Variants in GMDS observed in about 807,000 individuals in gnomAD.
The protein encoded by GMDS is GDP-mannose 4,6 dehydratase.
In GMDS, 20 loss-of-function variants were observed where a neutral mutation model predicts 49.9. The ratio of observed to expected loss-of-function variants is 0.40; its 90% CI spans 0.28 to 0.58. The LOEUF is 0.58. GMDS is among the 20% of genes least tolerant of loss of function. The pLI is 0.42. For missense variants in GMDS, 362 were observed against 481.4 expected (o/e 0.75, Z 2.32); for synonymous variants, 177 against 178.6 (o/e 0.99, Z 0.07).
intron 4 of GMDS, among the ~76,000 whole-genome samples, chr6:2,059,044 C>T (rs200433472): frequency 5.3e-5 from 8 of 151,516 alleles, no homozygotes; most frequent in South Asian, 2.1e-4. Context: ...GGTGTGGTGG[C>T]GGGTGCCTGT....
At position 1,853,315 on chromosome 6, in the gene GMDS, G is replaced by C. The variant is rs181504528; in HGVS notation, c.771+76788C>G. ...GGGCGGATCACGAGGTCAGGAGATCGAGACCATCCTGGCTAAAACGGTGAA... is the reference window on the plus strand; with the variant it reads ...GGGCGGATCACGAGGTCAGGAGATCCAGACCATCCTGGCTAAAACGGTGAA... On this transcript the variant is annotated intron_variant, in intron 7 of 10. Transcript: ENST00000380815. Among the ~76,000 whole-genome samples the C allele has an allele frequency of 7.2e-3, 1,098 of 151,462 alleles. 7 individuals carry two copies. The highest frequency in any genetic ancestry group is 0.01 in the Non-Finnish European group (709 of 67,868).
intron 9 of GMDS, among the ~76,000 whole-genome samples, chr6:1,690,935 G>GGATGCCAC (rs1377146711): frequency 6.6e-6 from 1 of 152,196 alleles, no homozygotes; most frequent in Non-Finnish European, 1.5e-5. Context: ...TTCAACCATT[G>GGATGCCAC]TGGATGACAG....
chr6:1,823,826 GT>G (rs3839597), intron 7 of GMDS, among the ~76,000 whole-genome samples: 21,981 of 151,880 alleles, frequency 0.14, 1,846 homozygotes, highest in South Asian at 0.24. Flanking sequence ...TGCATTTTTT[GT>G]TGTTGTTGAG....
intron 7 of GMDS, among the ~76,000 whole-genome samples, chr6:1,844,417 C>A (rs2113753022): frequency 6.6e-6 from 1 of 152,304 alleles, no homozygotes; most frequent in East Asian, 1.9e-4. Context: ...AAACCTACCT[C>A]AAACAGTTTT....
At chr6:1,733,851 T>C (rs1296798392) in intron 8 of GMDS, among the ~76,000 whole-genome samples, 5 of 5,604 alleles carry the variant, frequency 8.9e-4, no homozygotes, top group Non-Finnish European at 2.8e-4. Context: ...GACTCTTGTC[T>C]TAAAAAAAAA....
At chr6:2,127,052 C>T (rs1471662516) in intron 1 of GMDS, among the ~76,000 whole-genome samples, 2 of 152,048 alleles carry the variant, frequency 1.3e-5, no homozygotes, top group Admixed American at 6.6e-5. Flanking sequence ...CAATTCTTAC[C>T]GTTTTTACAT....
chr6:1,742,427 T>C (rs1489661007), intron 8 of GMDS, 41 bp downstream of exon 8: 3 of 1,145,464 alleles, frequency 2.6e-6, no homozygotes, highest in Non-Finnish European at 2.6e-6. Flanking sequence ...GGTGCATACC[T>C]GCCAGAGAGC....
At position 2,176,504 on chromosome 6, in the gene GMDS, G is replaced by A. The variant is rs115389158; in HGVS notation, c.103-51773C>T. On this transcript the variant is annotated intron_variant, in intron 1 of 10. Transcript: ENST00000380815. ...TCTGGTAAACCAACTTAACTTGGAG[G>A]AAATTCGGGGTTGGGTGGGAATAAA... 5.5e-3 allele frequency among the ~76,000 whole-genome samples: 836 copies of A among 152,274 alleles called. 2 individuals are homozygous for A. The highest frequency in any genetic ancestry group is 0.017 in the Middle Eastern group (5 of 294).
rs935517541 is a variant in GMDS, at chr6:1,640,407, T to C, written c.988-15867A>G. ...CACACCTGCAGGTGTGTTATGCACC[T>C]GTCACGGGGTAAGGCCTTCCACGTA... On this transcript the variant is annotated intron_variant, in intron 9 of 10. Transcript: ENST00000380815. The surrounding 1 kb of genome is among the most constrained non-coding windows in gnomAD (Gnocchi z 4.0). 6.6e-6 allele frequency among the ~76,000 whole-genome samples: 1 copy of C among 152,148 alleles called. No homozygotes were observed. Among genetic ancestry groups the C allele is most frequent in the African/African-American group, 2.4e-5 (1 of 41,418 alleles).
intron 7 of GMDS, among the ~76,000 whole-genome samples, chr6:1,803,163 T>C (rs1363665491): frequency 2.6e-5 from 4 of 152,194 alleles, no homozygotes; most frequent in Admixed American, 2.6e-4. Context: ...ATCGGCACTG[T>C]ATGTTTGAGA....
At chr6:2,218,097 T>C (rs537491026) in intron 1 of GMDS, among the ~76,000 whole-genome samples, 4 of 152,174 alleles carry the variant, frequency 2.6e-5, no homozygotes, top group African/African-American at 9.6e-5. Context: ...CTTCCAAACC[T>C]CCTCACCACC....
intron 9 of GMDS, among the ~76,000 whole-genome samples, chr6:1,628,237 G>A (rs552757859): frequency 4.6e-5 from 7 of 152,320 alleles, no homozygotes; most frequent in Non-Finnish European, 7.3e-5. Context: ...GCCCACAGTA[G>A]TTAACGCAAA....
At chr6:1,652,479 T>A (rs868682520) in intron 9 of GMDS, among the ~76,000 whole-genome samples, 2 of 8,690 alleles carry the variant, frequency 2.3e-4, no homozygotes, top group East Asian at 2.1e-3. Flanking sequence ...TTATATATAT[T>A]ATATATAATA....
chr6:2,214,387 T>C (rs1038585095), intron 1 of GMDS, among the ~76,000 whole-genome samples: 2 of 152,090 alleles, frequency 1.3e-5, no homozygotes, highest in African/African-American at 4.8e-5. Context: ...GGAAAAAAAA[T>C]GGATGGTTTT....
At chr6:2,035,628 G>T (rs1244307913) in intron 4 of GMDS, among the ~76,000 whole-genome samples, 1 of 152,032 alleles carries the variant, frequency 6.6e-6, no homozygotes, top group East Asian at 1.9e-4. Flanking sequence ...AAGTTATTTA[G>T]GAAGCAGAAA....
At chr6:1,850,028 G>T (rs537010283) in intron 7 of GMDS, among the ~76,000 whole-genome samples, 7 of 152,322 alleles carry the variant, frequency 4.6e-5, no homozygotes, top group African/African-American at 1.7e-4. Context: ...CCCCATAAAT[G>T]ATCATCATGT....
chr6:2,017,320 T>TC (rs1767965472), intron 4 of GMDS, among the ~76,000 whole-genome samples: 1 of 142,474 alleles, frequency 7.0e-6, no homozygotes, highest in Admixed American at 6.8e-5. Flanking sequence ...TTTTTTTTTT[T>TC]CCCCCTGAGA....
chr6:1,685,110 G>C (rs546178950), intron 9 of GMDS, among the ~76,000 whole-genome samples: 1 of 151,664 alleles, frequency 6.6e-6, no homozygotes, highest in South Asian at 2.1e-4. Flanking sequence ...AAAAGTAATA[G>C]AGGAGGCTGA....
At chr6:1,775,109 T>C (rs1488745014) in intron 7 of GMDS, among the ~76,000 whole-genome samples, 1 of 152,176 alleles carries the variant, frequency 6.6e-6, no homozygotes, top group African/African-American at 2.4e-5. Context: ...AATGAAGTTC[T>C]TCAGAAATAC....
Sources: allele counts gnomAD v4.1 joint callset (sites outside exome capture counted in the v4.1 genomes callset), GRCh38; gene constraint gnomAD v4.1.1; non-coding constraint Gnocchi (gnomAD v3.1); transcripts MANE v1.5; gene names NCBI Gene and HGNC (gene_info 2026-07-23, HGNC 2026-07-21).